The following PRR16 variants were observed in gnomAD, a reference collection of about 807,000 sequenced individuals.
The protein encoded by PRR16 is protein Largen.
A neutral mutation model predicts 18.2 loss-of-function variants in PRR16; 6 were observed. That is an observed-to-expected ratio of 0.33 (90% CI 0.18 to 0.65). The LOEUF (loss-of-function observed/expected upper bound fraction) is 0.65, where lower values mean the gene tolerates loss of function less well. Ranked by LOEUF, PRR16 falls within the 30% of genes least tolerant of loss-of-function variation. The pLI is 0.74. For synonymous variants in PRR16, 151 were observed against 147.8 expected (o/e 1.02, Z -0.16); for missense variants, 412 against 376.6 (o/e 1.09, Z -0.78).
At chr5:120,466,652 G>C (rs1019303591) in intron 1 of PRR16, among the ~76,000 whole-genome samples, 10 of 152,110 alleles carry the variant, frequency 6.6e-5, no homozygotes, top group Non-Finnish European at 1.0e-4. Flanking sequence ...CAGGAAATCT[G>C]TTGATACCAC....
chr5:120,697,179 T>A, the PRR16 span, among the ~76,000 whole-genome samples: 1 of 152,232 alleles, frequency 6.6e-6, no homozygotes, highest in Admixed American at 6.5e-5. Context: ...AAGAGGGATT[T>A]CTGAGAGACA....
At chr5:120,678,161 G>A (rs1160380093) in intron 1 of PRR16, among the ~76,000 whole-genome samples, 1 of 151,964 alleles carries the variant, frequency 6.6e-6, no homozygotes, top group African/African-American at 2.4e-5. Context: ...CGCCTGCCTC[G>A]GCCTCCCAAA....
At chr5:120,697,750 G>A in the PRR16 span, among the ~76,000 whole-genome samples, 8 of 150,940 alleles carry the variant, frequency 5.3e-5, no homozygotes, top group East Asian at 7.8e-4. Context: ...AGTGGGGGTC[G>A]CAAGGTGCTC....
chr5:120,697,615 G>T, the PRR16 span, among the ~76,000 whole-genome samples: 14 of 152,184 alleles, frequency 9.2e-5, no homozygotes, highest in Admixed American at 9.2e-4. Context: ...TATTTCACCT[G>T]GGTGCAGGCG....
chr5:120,787,002 G>C, the PRR16 span, among the ~76,000 whole-genome samples: 7 of 152,108 alleles, frequency 4.6e-5, no homozygotes, highest in African/African-American at 1.7e-4. Flanking sequence ...TTTAAGCCAA[G>C]TCATTTCAAA....
chr5:120,490,983 C>G (rs1200444521), intron 1 of PRR16, among the ~76,000 whole-genome samples: 2 of 152,190 alleles, frequency 1.3e-5, no homozygotes, highest in East Asian at 3.9e-4. Context: ...TGGTGAACAG[C>G]AAATGTTGCT....
At chr5:120,753,742 C>A in the PRR16 span, among the ~76,000 whole-genome samples, 13 of 147,388 alleles carry the variant, frequency 8.8e-5, no homozygotes, top group Non-Finnish European at 1.0e-4. Context: ...TATATAATAT[C>A]ATTATTCAAA....
chr5:120,614,012 G>A (rs551271553), intron 1 of PRR16, among the ~76,000 whole-genome samples: 1 of 152,280 alleles, frequency 6.6e-6, no homozygotes, highest in East Asian at 1.9e-4. Flanking sequence ...CCTTAGTAAA[G>A]CATTTTCACA....
chr5:120,522,997 A>G (rs1751236096), intron 1 of PRR16, among the ~76,000 whole-genome samples: 1 of 152,158 alleles, frequency 6.6e-6, no homozygotes, highest in African/African-American at 2.4e-5. Context: ...TATTCATAGG[A>G]GTCATTTTTA....
At chr5:120,770,002 T>G in the PRR16 span, among the ~76,000 whole-genome samples, 1 of 151,950 alleles carries the variant, frequency 6.6e-6, no homozygotes, top group Non-Finnish European at 1.5e-5. Context: ...CTTGTATGTC[T>G]TCTTTGAAAA....
At chr5:120,517,697 T>A (rs1751043446) in intron 1 of PRR16, among the ~76,000 whole-genome samples, 1 of 152,214 alleles carries the variant, frequency 6.6e-6, no homozygotes, top group African/African-American at 2.4e-5. Flanking sequence ...GTTAATACTT[T>A]GTAGATAGTA....
the PRR16 span, among the ~76,000 whole-genome samples, chr5:120,694,899 A>G: frequency 6.6e-6 from 1 of 152,158 alleles, no homozygotes; most frequent in African/African-American, 2.4e-5. Context: ...TTTTGTTTTA[A>G]AAAAATATCT....
chr5:120,583,348 T>C (rs902361501), intron 1 of PRR16, among the ~76,000 whole-genome samples: 1 of 137,124 alleles, frequency 7.3e-6, no homozygotes, highest in East Asian at 2.1e-4. Context: ...TGTGTGTGTG[T>C]GCAAGTAATC....
intron 1 of PRR16, among the ~76,000 whole-genome samples, chr5:120,619,695 G>A (rs1419250086): frequency 2.0e-5 from 3 of 151,944 alleles, no homozygotes; most frequent in Non-Finnish European, 4.4e-5. Context: ...ATATAGTAAA[G>A]CAGTTGTTTG....
intron 1 of PRR16, chr5:120,618,302 G>A (rs901107469): frequency 1.1e-5 from 2 of 187,280 alleles, no homozygotes; most frequent in Non-Finnish European, 2.0e-5. Flanking sequence ...CTATTTGAAT[G>A]AATTCTCATG....
chr5:120,488,944 G>A (rs556059355), intron 1 of PRR16, among the ~76,000 whole-genome samples: 1 of 152,016 alleles, frequency 6.6e-6, no homozygotes, highest in African/African-American at 2.4e-5. Flanking sequence ...GTTCAGTTTT[G>A]ATGTAGTTGA....
the PRR16 span, among the ~76,000 whole-genome samples, chr5:120,785,912 C>G: frequency 4.0e-5 from 6 of 151,414 alleles, no homozygotes; most frequent in Non-Finnish European, 8.8e-5. Flanking sequence ...TCTAAAGTTA[C>G]CCATTTGCTT....
At chr5:120,494,858 T>C (rs1011460302) in intron 1 of PRR16, among the ~76,000 whole-genome samples, 2 of 152,096 alleles carry the variant, frequency 1.3e-5, no homozygotes, top group African/African-American at 4.8e-5. Context: ...TTTCTTCCAT[T>C]GAGTTGCTTT....
the PRR16 span, among the ~76,000 whole-genome samples, chr5:120,783,472 C>G: frequency 2.6e-5 from 4 of 152,070 alleles, no homozygotes; most frequent in Admixed American, 2.0e-4. Context: ...GTTTTAAAAA[C>G]TGCATTGAGA....
Sources: gnomAD v4.1 joint callset for allele counts (sites outside exome capture counted in the v4.1 genomes callset) on GRCh38, gnomAD v4.1.1 for gene constraint, MANE v1.5 for transcripts, NCBI Gene and HGNC (gene_info 2026-07-23, HGNC 2026-07-21) for gene names.